Variants in CDH13 observed in about 807,000 individuals in gnomAD.
CDH13 encodes cadherin-13.
A neutral mutation model predicts 63.8 loss-of-function variants in CDH13; 24 were observed. The observed-to-expected ratio is 0.38, with a 90% CI of 0.27 to 0.53. CDH13 has a LOEUF of 0.53. Ranked by LOEUF, CDH13 falls within the 20% of genes least tolerant of loss-of-function variation. The pLI, the probability that CDH13 is intolerant of heterozygous loss-of-function variation, is 0.85. For synonymous variants in CDH13, 503 were observed against 355.3 expected (o/e 1.42, Z -4.67); for missense variants, 1,049 against 903.1 (o/e 1.16, Z -2.07).
chr16:83,462,883 G>T (rs896029349), intron 6 of CDH13, among the ~76,000 whole-genome samples: 2 of 152,088 alleles, frequency 1.3e-5, no homozygotes, highest in Non-Finnish European at 2.9e-5. Context: ...GTAATACCTA[G>T]ATCCTAGGTA....
intron 2 of CDH13, among the ~76,000 whole-genome samples, chr16:83,013,979 A>G (rs904625225): frequency 2.0e-5 from 3 of 152,180 alleles, no homozygotes; most frequent in Admixed American, 2.0e-4. Context: ...TCTTCATTCA[A>G]TAAAACACAT....
intron 2 of CDH13, among the ~76,000 whole-genome samples, chr16:82,971,135 A>G (rs899836895): frequency 7.2e-5 from 11 of 152,200 alleles, no homozygotes; most frequent in Non-Finnish European, 1.6e-4. Flanking sequence ...GAGCAGGTGC[A>G]TAAATACCCC....
chr16:83,197,271 G>GTATA lies in CDH13; in HGVS notation c.484-20058_484-20055dup, dbSNP rs71148817. Among the ~76,000 whole-genome samples the GTATA allele has an allele frequency of 5.1e-3, 750 of 148,004 alleles. 6 individuals carry two copies. The highest frequency in any genetic ancestry group is 0.017 in the African/African-American group (682 of 40,522). ...TTTAATGTTTGTGGGTGTATCATAG[G>GTATA]TATATATATATATATATATGCATGG... is the stretch of plus-strand genomic sequence containing the variant. On this transcript the variant is annotated intron_variant, in intron 4 of 13. Transcript: ENST00000567109.
intron 6 of CDH13, among the ~76,000 whole-genome samples, chr16:83,410,107 C>T (rs2092104654): frequency 6.6e-6 from 1 of 152,124 alleles, no homozygotes; most frequent in South Asian, 2.1e-4. Flanking sequence ...ATCCTGTTAA[C>T]AGGTAATAAG....
At chr16:83,551,368 A>T (rs1050601387) in intron 7 of CDH13, among the ~76,000 whole-genome samples, 2 of 152,136 alleles carry the variant, frequency 1.3e-5, no homozygotes, top group Admixed American at 1.3e-4. Context: ...CCCCTGGCTT[A>T]ATTCTTTTAA....
chr16:82,855,024 G>C (rs926597701), intron 1 of CDH13, among the ~76,000 whole-genome samples: 20 of 152,144 alleles, frequency 1.3e-4, no homozygotes, highest in African/African-American at 4.3e-4. Flanking sequence ...ACCTCACTAA[G>C]TCACCCATGG....
chr16:83,256,301 G>C (rs986650740), intron 5 of CDH13, among the ~76,000 whole-genome samples: 1 of 152,014 alleles, frequency 6.6e-6, no homozygotes, highest in South Asian at 2.1e-4. Flanking sequence ...CCAAAGTGCT[G>C]GGATTACGAG....
At chr16:83,663,134 T>A (rs1913594800) in intron 8 of CDH13, among the ~76,000 whole-genome samples, 1 of 152,186 alleles carries the variant, frequency 6.6e-6, no homozygotes, top group Non-Finnish European at 1.5e-5. Flanking sequence ...AAAGAAATAA[T>A]CCCATTTTTC....
chr16:83,045,343 G>T (rs1028149846), intron 3 of CDH13, among the ~76,000 whole-genome samples: 6 of 152,106 alleles, frequency 3.9e-5, no homozygotes, highest in African/African-American at 1.4e-4. Context: ...AAGTCTCTCT[G>T]TAAGAGATGG....
chr16:83,303,064 A>G (rs1454229990), intron 5 of CDH13, among the ~76,000 whole-genome samples: 1 of 152,178 alleles, frequency 6.6e-6, no homozygotes, highest in African/African-American at 2.4e-5. Context: ...AATTGCCCAC[A>G]TGATGGCATC....
chr16:82,822,858 C>G (rs2038067094), intron 1 of CDH13, among the ~76,000 whole-genome samples: 1 of 152,212 alleles, frequency 6.6e-6, no homozygotes, highest in Non-Finnish European at 1.5e-5. Flanking sequence ...TATCGTCTCT[C>G]ACAGTGTAGG....
rs1208687032 is a variant in CDH13, at chr16:82,644,867, A to T, written c.45+17730A>T. On this transcript the variant is annotated intron_variant, in intron 1 of 13. Coordinates refer to ENST00000567109, the MANE Select transcript of CDH13 (RefSeq NM_001257.5). This position sits in a 1 kb window ranked among gnomAD's most constrained non-coding sequence, Gnocchi z 5.7. The stretch of plus-strand genomic sequence containing the variant: ...GTTTTGCAAAATGTGTTCTGAAGAG[A>T]TACTGGTTCCATGGGAGGTTAATAT... 6.6e-6 allele frequency among the ~76,000 whole-genome samples: 1 copy of T among 152,208 alleles called. No homozygotes were observed.
intron 1 of CDH13, chr16:82,773,609 T>C (rs2035359161): frequency 6.6e-6 from 1 of 152,232 alleles, no homozygotes; most frequent in African/African-American, 2.4e-5. Flanking sequence ...GTGTCATCAA[T>C]CTCCAATTCA....
intron 1 of CDH13, among the ~76,000 whole-genome samples, chr16:82,815,202 G>T (rs939135992): frequency 6.6e-6 from 1 of 152,044 alleles, no homozygotes; most frequent in Non-Finnish European, 1.5e-5. Context: ...GAACAGCCAC[G>T]CAGTAGAGTC....
intron 5 of CDH13, among the ~76,000 whole-genome samples, chr16:83,281,888 C>G (rs571681089): frequency 1.3e-5 from 2 of 152,076 alleles, no homozygotes; most frequent in Non-Finnish European, 2.9e-5. Flanking sequence ...ATTCTAACCT[C>G]GGCAACAGAG....
At chr16:82,744,394 G>A (rs1395997606) in intron 1 of CDH13, among the ~76,000 whole-genome samples, 1 of 151,350 alleles carries the variant, frequency 6.6e-6, no homozygotes, top group African/African-American at 2.5e-5. Flanking sequence ...ATCTATCTGT[G>A]GGTAGCAGTA....
At chr16:83,703,163 G>C (rs780768942) in intron 10 of CDH13, among the ~76,000 whole-genome samples, 16 of 152,200 alleles carry the variant, frequency 1.1e-4, no homozygotes, top group Non-Finnish European at 2.1e-4. Flanking sequence ...GAACAGGCAA[G>C]GAATGGAAAT....
At chr16:83,451,003 C>T (rs2072872917) in intron 6 of CDH13, among the ~76,000 whole-genome samples, 3 of 152,288 alleles carry the variant, frequency 2.0e-5, no homozygotes, top group Middle Eastern at 3.4e-3. Context: ...GTTACCAATT[C>T]CATAGGTCTG....
chr16:83,301,789 C>G (rs951762642), intron 5 of CDH13, among the ~76,000 whole-genome samples: 6 of 150,002 alleles, frequency 4.0e-5, no homozygotes, highest in Non-Finnish European at 8.9e-5. Context: ...ATTTTTTTTT[C>G]TGTAAAGTTT....
Sources: allele counts gnomAD v4.1 joint callset (sites outside exome capture counted in the v4.1 genomes callset), GRCh38; gene constraint gnomAD v4.1.1; non-coding constraint Gnocchi (gnomAD v3.1); transcripts MANE v1.5; gene names NCBI Gene and HGNC (gene_info 2026-07-23, HGNC 2026-07-21).